Variants in ZCCHC7 observed in about 807,000 individuals in gnomAD.
The protein encoded by ZCCHC7 is zinc finger CCHC domain-containing protein 7.
ZCCHC7 carries 35 observed loss-of-function variants against 52.0 expected under a neutral mutation model. The ratio of observed to expected loss-of-function variants is 0.67; its 90% CI spans 0.51 to 0.89. The LOEUF (loss-of-function observed/expected upper bound fraction) is 0.89. Among genes scored for constraint, ZCCHC7 ranks in the 40% least tolerant of loss-of-function variants. The probability of loss-of-function intolerance (pLI) is 0.00; values close to 1 mark genes in which losing one functional copy is unlikely to be tolerated. For synonymous variants in ZCCHC7, 217 were observed against 221.5 expected (o/e 0.98, Z 0.18); for missense variants, 574 against 649.1 (o/e 0.88, Z 1.26).
intron 7 of ZCCHC7, among the ~76,000 whole-genome samples, chr9:37,351,191 T>C (rs1228452705): frequency 6.6e-6 from 1 of 152,178 alleles, no homozygotes; most frequent in Non-Finnish European, 1.5e-5. Flanking sequence ...AGGATGAGGC[T>C]CTGAGCCTCA....
intron 2 of ZCCHC7, among the ~76,000 whole-genome samples, chr9:37,266,388 A>T (rs1393455226): frequency 6.6e-6 from 1 of 152,214 alleles, no homozygotes; most frequent in Admixed American, 6.5e-5. Context: ...TTTTAAATTT[A>T]GGGATGTGTA....
chr9:37,131,600 G>T (rs779323958), intron 2 of ZCCHC7, among the ~76,000 whole-genome samples: 1 of 152,168 alleles, frequency 6.6e-6, no homozygotes, highest in Non-Finnish European at 1.5e-5. Flanking sequence ...AGCCGAGATT[G>T]TGCAACTGCA....
At chr9:37,324,476 T>A (rs1830164217) in intron 5 of ZCCHC7, among the ~76,000 whole-genome samples, 3 of 152,222 alleles carry the variant, frequency 2.0e-5, no homozygotes, top group African/African-American at 7.2e-5. Flanking sequence ...AAGCTTTTGA[T>A]AATTTGACAA....
intron 2 of ZCCHC7, among the ~76,000 whole-genome samples, chr9:37,177,768 A>G (rs898553802): frequency 6.6e-6 from 1 of 152,172 alleles, no homozygotes; most frequent in Non-Finnish European, 1.5e-5. Flanking sequence ...CAGCCTAACC[A>G]TGAGAAAGAC....
At chr9:37,139,707 CT>C (rs1375915218) in intron 2 of ZCCHC7, among the ~76,000 whole-genome samples, 2 of 151,918 alleles carry the variant, frequency 1.3e-5, no homozygotes, top group East Asian at 1.9e-4. Flanking sequence ...TGTACTTCCC[CT>C]CCCTCGCTTT....
intron 5 of ZCCHC7, among the ~76,000 whole-genome samples, chr9:37,306,380 A>G (rs1178189163): frequency 1.3e-5 from 2 of 150,278 alleles, no homozygotes; most frequent in Admixed American, 6.6e-5. Flanking sequence ...ATTTGTGCAT[A>G]TTTAAATGAA....
chr9:37,201,313 G>C (rs1008006962), intron 2 of ZCCHC7, among the ~76,000 whole-genome samples: 7 of 152,092 alleles, frequency 4.6e-5, no homozygotes, highest in African/African-American at 1.7e-4. Context: ...GGATCAAAGA[G>C]AAAAAGAGAC....
At chr9:37,272,320 T>A (rs930136525) in intron 2 of ZCCHC7, among the ~76,000 whole-genome samples, 1 of 152,104 alleles carries the variant, frequency 6.6e-6, no homozygotes, top group Non-Finnish European at 1.5e-5. Context: ...CACGTTAACT[T>A]TCTCTTACCC....
chr9:37,185,436 T>C (rs1163281074), intron 2 of ZCCHC7, among the ~76,000 whole-genome samples: 1 of 152,250 alleles, frequency 6.6e-6, no homozygotes, highest in Non-Finnish European at 1.5e-5. Context: ...CTGTTCTTGT[T>C]TGCTACTTAA....
In ZCCHC7 at chr9:37,305,623, C is replaced by T. The variant is rs1362291602; in HGVS notation, c.860C>T (p.Pro287Leu). ...SCPAPLCEYC[P>L]VPKMLDHSCL... is the part of the protein sequence containing the mutation. ...CCAGCCCCCCTTTGCGAATACTGTCCTGTGCCTAAGATGTTGGACCACTCA... is the reference window on the plus strand; with the variant it reads ...CCAGCCCCCCTTTGCGAATACTGTCTTGTGCCTAAGATGTTGGACCACTCA... Residue 287 changes from proline to leucine, a missense_variant, in exon 5 of 9, where the codon CCT (proline) becomes CTT (leucine). Around this residue, in one of 3 missense-constraint regions of ZCCHC7, gnomAD observed 403 missense variants for 461.2 expected, o/e 0.87. Coordinates refer to ENST00000336755, the MANE Select transcript of ZCCHC7 (RefSeq NM_032226.3). 3 of 1,613,942 alleles carry T rather than the reference C, an allele frequency of 1.9e-6. No homozygotes were observed. The highest frequency in any genetic ancestry group is 1.3e-5 in the African/African-American group (1 of 74,874).
chr9:37,315,988 A>T (rs932223309), intron 5 of ZCCHC7, among the ~76,000 whole-genome samples: 1 of 150,978 alleles, frequency 6.6e-6, no homozygotes, highest in African/African-American at 2.4e-5. Context: ...GAAATAATTT[A>T]AAAATTGAGC....
chr9:37,270,354 G>T (rs1031076381), intron 2 of ZCCHC7, among the ~76,000 whole-genome samples: 1 of 152,092 alleles, frequency 6.6e-6, no homozygotes, highest in Non-Finnish European at 1.5e-5. Flanking sequence ...CGTGTGAAAA[G>T]ACTCAGATAC....
intron 2 of ZCCHC7, among the ~76,000 whole-genome samples, chr9:37,291,766 T>C (rs999769958): frequency 1.3e-5 from 2 of 152,216 alleles, no homozygotes; most frequent in Non-Finnish European, 2.9e-5. Context: ...CAATCTTGGC[T>C]CACCGCAACC....
intron 2 of ZCCHC7, among the ~76,000 whole-genome samples, chr9:37,289,495 C>T (rs993900610): frequency 5.3e-5 from 8 of 152,154 alleles, no homozygotes; most frequent in Non-Finnish European, 1.0e-4. Context: ...ATTAGCTTTA[C>T]CTCCAGATTA....
At chr9:37,263,556 A>G (rs1168074503) in intron 2 of ZCCHC7, among the ~76,000 whole-genome samples, 1 of 152,180 alleles carries the variant, frequency 6.6e-6, no homozygotes, top group Non-Finnish European at 1.5e-5. Flanking sequence ...CTAATATTGC[A>G]TATCCTCTTT....
At chr9:37,315,751 A>G (rs1180840458) in intron 5 of ZCCHC7, among the ~76,000 whole-genome samples, 4 of 150,216 alleles carry the variant, frequency 2.7e-5, no homozygotes, top group Non-Finnish European at 5.9e-5. Flanking sequence ...ATTCTAAAGT[A>G]AGCTACAGGG....
At chr9:37,264,796 T>C (rs1827025316) in intron 2 of ZCCHC7, among the ~76,000 whole-genome samples, 1 of 152,214 alleles carries the variant, frequency 6.6e-6, no homozygotes, top group Non-Finnish European at 1.5e-5. Context: ...CTGTTTTCTC[T>C]AGTCCTCTCC....
At chr9:37,160,547 C>G (rs969896271) in intron 2 of ZCCHC7, among the ~76,000 whole-genome samples, 9 of 152,026 alleles carry the variant, frequency 5.9e-5, no homozygotes, top group African/African-American at 2.2e-4. Context: ...CTAAAAGGTC[C>G]TAAAGCATTA....
intron 2 of ZCCHC7, among the ~76,000 whole-genome samples, chr9:37,285,400 TTCTC>T (rs933742871): frequency 6.6e-6 from 1 of 152,172 alleles, no homozygotes; most frequent in African/African-American, 2.4e-5. Flanking sequence ...TTATTTCTCT[TTCTC>T]ATTTTCTTCT....
Sources: allele counts gnomAD v4.1 joint callset (sites outside exome capture counted in the v4.1 genomes callset), GRCh38; gene constraint gnomAD v4.1.1; regional missense constraint gnomAD v4.1.1; transcripts MANE v1.5; gene names NCBI Gene and HGNC (gene_info 2026-07-23, HGNC 2026-07-21).